The following NFIL3 variants were observed in gnomAD, a reference collection of about 807,000 sequenced individuals.
The protein encoded by NFIL3 is nuclear factor interleukin-3-regulated protein.
A neutral mutation model predicts 10.0 loss-of-function variants in NFIL3; 5 were observed. The ratio of observed to expected loss-of-function variants is 0.50; its 90% CI spans 0.26 to 1.06. The LOEUF (loss-of-function observed/expected upper bound fraction) is 1.06. NFIL3 is among the 50% of genes least tolerant of loss of function. The pLI is 0.13. For missense variants in NFIL3, 436 were observed against 547.6 expected (o/e 0.80, Z 2.03); for synonymous variants, 202 against 206.5 (o/e 0.98, Z 0.19).
At chr9:91,451,649 C>T in the NFIL3 span, among the ~76,000 whole-genome samples, 3 of 152,176 alleles carry the variant, frequency 2.0e-5, no homozygotes, top group South Asian at 6.2e-4. Flanking sequence ...TAATGTCTCT[C>T]AGACAAAAAG....
At chr9:91,457,687 C>CTTTTATGTCTTTTATGT in the NFIL3 span, among the ~76,000 whole-genome samples, 1 of 151,980 alleles carries the variant, frequency 6.6e-6, no homozygotes, top group Non-Finnish European at 1.5e-5. Context: ...TCTTTCATCA[C>CTTTTATGTCTTTTATGT]CTTATTACAC....
chr9:91,428,520 A>G (rs1238148041), upstream of NFIL3, among the ~76,000 whole-genome samples: 2 of 152,188 alleles, frequency 1.3e-5, no homozygotes, highest in African/African-American at 4.8e-5. Context: ...TTTTGTGGGA[A>G]ATTGGGTAAT....
chr9:91,481,645 C>T, the NFIL3 span, among the ~76,000 whole-genome samples: 1 of 147,902 alleles, frequency 6.8e-6, no homozygotes, highest in Non-Finnish European at 1.5e-5. Context: ...TTTGATTTTG[C>T]GGTTAACGTT....
chr9:91,480,237 A>T, the NFIL3 span, among the ~76,000 whole-genome samples: 73 of 150,044 alleles, frequency 4.9e-4, no homozygotes, highest in African/African-American at 1.7e-3. Flanking sequence ...CATTCTTTTT[A>T]AACAGTAAAT....
Position 91,409,283 on chromosome 9 carries a change from A to T in NFIL3, c.*63T>A, listed in dbSNP as rs888999191. On this transcript the variant is annotated 3_prime_UTR_variant, in exon 2 of 2. Transcript: ENST00000297689. ...GTCCAGTGAAAATTCAGCATAATAC[A>T]AAATGGACTGCTCTATTGCAAATGA... is the stretch of plus-strand genomic sequence containing the variant. The T allele has an allele frequency of 6.8e-7, 1 of 1,463,902 alleles. No homozygotes were observed. The highest frequency in any genetic ancestry group is 2.3e-5 in the Admixed American group (1 of 42,756). 90.7% of individuals were successfully genotyped at this position (1,463,902 alleles called of 1,614,324 possible).
the NFIL3 span, among the ~76,000 whole-genome samples, chr9:91,472,988 G>A: frequency 6.6e-6 from 1 of 152,142 alleles, no homozygotes; most frequent in Non-Finnish European, 1.5e-5. Context: ...GTTGGAGTTC[G>A]CTGGAGGTCC....
chr9:91,412,098 CAAAAAAAAAA>C (rs56891881), intron 1 of NFIL3, among the ~76,000 whole-genome samples: 1 of 76,872 alleles, frequency 1.3e-5, no homozygotes, highest in Non-Finnish European at 2.6e-5. Flanking sequence ...AAGACTCTGT[CAAAAAAAAAA>C]AAAAAAAAAA....
chr9:91,456,738 C>T, the NFIL3 span, among the ~76,000 whole-genome samples: 1 of 152,030 alleles, frequency 6.6e-6, no homozygotes, highest in African/African-American at 2.4e-5. Flanking sequence ...ATTAATTTTA[C>T]TTTTTGCATT....
At chr9:91,470,061 G>A in the NFIL3 span, among the ~76,000 whole-genome samples, 20 of 152,226 alleles carry the variant, frequency 1.3e-4, no homozygotes, top group Non-Finnish European at 2.5e-4. Context: ...GAGTTAGGGA[G>A]GATTCCCTCT....
At chr9:91,482,432 G>GTGATGA in the NFIL3 span, among the ~76,000 whole-genome samples, 7 of 150,658 alleles carry the variant, frequency 4.6e-5, no homozygotes, top group South Asian at 4.2e-4. Flanking sequence ...CCAGGGCTGG[G>GTGATGA]TGATGATGAT....
the NFIL3 span, among the ~76,000 whole-genome samples, chr9:91,473,836 T>A: frequency 2.0e-5 from 3 of 152,244 alleles, no homozygotes; most frequent in African/African-American, 7.2e-5. Flanking sequence ...TATTTGGCCA[T>A]CTTGGAACAA....
intron 1 of NFIL3, among the ~76,000 whole-genome samples, chr9:91,420,269 A>C (rs1279961977): frequency 1.3e-5 from 2 of 151,978 alleles, no homozygotes; most frequent in Non-Finnish European, 2.9e-5. Context: ...AAAGTATCTC[A>C]AGAAAGATCT....
chr9:91,425,386 A>G (rs1833860128), upstream of NFIL3, among the ~76,000 whole-genome samples: 1 of 152,136 alleles, frequency 6.6e-6, no homozygotes, highest in Non-Finnish European at 1.5e-5. Flanking sequence ...ATCACCTATC[A>G]GTTGAGTTTT....
the NFIL3 span, among the ~76,000 whole-genome samples, chr9:91,439,544 C>G: frequency 6.6e-6 from 1 of 152,086 alleles, no homozygotes; most frequent in African/African-American, 2.4e-5. Flanking sequence ...ACTTCCAGTA[C>G]TATGCTGACT....
chr9:91,423,034 C>T (rs570995211), intron 1 of NFIL3, among the ~76,000 whole-genome samples: 1 of 152,268 alleles, frequency 6.6e-6, no homozygotes, highest in South Asian at 2.1e-4. Flanking sequence ...ACAACCTTCC[C>T]GAGGGCTTGT....
In NFIL3 at chr9:91,410,689, G is replaced by A. The variant is rs1833531722; in HGVS notation, c.46C>T (p.Leu16Phe). ...TTGTCCACATTGCTACTGGCATCAA[G>A]AGACGCCTGCTCCTTTTTGACGGTC... ...MQTVKKEQAS[L>F]DASSNVDKMM... The change falls in exon 2 of 2, where the codon CTT (leucine) becomes TTT (phenylalanine). Residue 16 changes from leucine (L) to phenylalanine (F), a missense_variant. Leu to Phe is a conservative substitution (Grantham distance 22). This residue lies in a region of NFIL3 where 76 missense variants were observed against 73.0 expected (regional missense o/e 1.04). Transcript: ENST00000297689. The surrounding 1 kb of genome is among the most constrained non-coding windows in gnomAD (Gnocchi z 5.7). 1 of 1,608,960 alleles carries A rather than the reference G, an allele frequency of 6.2e-7. No individual in the cohort carries two copies. Among genetic ancestry groups the A allele is most frequent in the Admixed American group, 1.7e-5 (1 of 58,580 alleles).
the NFIL3 span, among the ~76,000 whole-genome samples, chr9:91,441,902 T>A: frequency 1.3e-5 from 2 of 152,234 alleles, no homozygotes; most frequent in African/African-American, 4.8e-5. Context: ...TTAACCTTCA[T>A]ACTAGAGATA....
At chr9:91,437,859 A>G in the NFIL3 span, among the ~76,000 whole-genome samples, 1 of 152,238 alleles carries the variant, frequency 6.6e-6, no homozygotes, top group Non-Finnish European at 1.5e-5. Context: ...AGGCAAAATA[A>G]TATGTCTTTA....
intron 1 of NFIL3, among the ~76,000 whole-genome samples, chr9:91,421,409 G>A (rs773780940): frequency 7.2e-5 from 11 of 152,140 alleles, no homozygotes; most frequent in Admixed American, 1.3e-4. Context: ...CGGGGCCTCG[G>A]CGCCGCGAGG....
Sources: allele counts gnomAD v4.1 joint callset (sites outside exome capture counted in the v4.1 genomes callset), GRCh38; gene constraint gnomAD v4.1.1; regional missense constraint gnomAD v4.1.1; non-coding constraint Gnocchi (gnomAD v3.1); transcripts MANE v1.5; gene names NCBI Gene and HGNC (gene_info 2026-07-23, HGNC 2026-07-21).